Variants in DUOX1 observed in about 807,000 individuals in gnomAD.
DUOX1 encodes the protein NADPH thyroid oxidase 1.
In DUOX1, 134 loss-of-function variants were observed where a neutral mutation model predicts 181.8. The ratio of observed to expected loss-of-function variants is 0.74; its 90% CI spans 0.64 to 0.85. The LOEUF is 0.85. DUOX1 is among the 40% of genes least tolerant of loss of function. The pLI is 0.00. For missense variants in DUOX1, 1,814 were observed against 2,064.4 expected, an observed-to-expected ratio of 0.88 and a Z score of 2.35; for synonymous variants, 798 against 832.5, an observed-to-expected ratio of 0.96 and a Z score of 0.71.
rs897454074 is a variant in DUOX1, at chr15:45,135,825, G to T, written c.741G>T (p.Ala247=). The change falls in exon 7 of 34, where the codon GCG becomes GCT. Residue 247 remains alanine (A), a synonymous_variant. Coordinates refer to ENST00000389037, the MANE Select transcript of DUOX1 (RefSeq NM_175940.3). ...GGAACCGGGAACCCTTCCTGCAGGC[G>T]CTGGGCCTGCTCTGGTTCCGCTACC... ...ERGNREPFLQ[A]LGLLWFRYHN... is the part of the protein sequence containing the mutation. The T allele has an allele frequency of 9.1e-6, 13 of 1,425,510 alleles. No individual in the cohort carries two copies. The Admixed American group carries it at 2.8e-4, about 31-fold the overall frequency. 88.3% of individuals were successfully genotyped at this position (1,425,510 alleles called of 1,614,324 possible). A position where few individuals can be genotyped will look rare whatever the true frequency, so the allele number is the denominator to read the frequency against.
chr15:45,135,797 G>A lies in DUOX1; in HGVS notation c.713G>A (p.Arg238Lys), dbSNP rs1362916409. ...PRGLYAFGAE[R>K]GNREPFLQAL... ...TCGGATGCAGCCTTCGGGGCAGAGA[G>A]AGGGAACCGGGAACCCTTCCTGCAG... is the stretch of plus-strand genomic sequence containing the variant. The change falls in exon 7 of 34, where the codon AGA becomes AAA. Residue 238 changes from arginine (R) to lysine (K), a missense_variant. Around this residue, in one of 5 missense-constraint regions of DUOX1, gnomAD observed 27 missense variants for 90.8 expected, o/e 0.30. Transcript: ENST00000389037. The A allele has an allele frequency of 6.2e-6, 9 of 1,449,008 alleles. No homozygotes were observed. The highest frequency in any genetic ancestry group is 2.8e-5 in the South Asian group (2 of 72,152). 89.8% of individuals were successfully genotyped at this position (1,449,008 alleles called of 1,614,324 possible).
intron 23 of DUOX1, 35 bp from the exon 24 acceptor site, chr15:45,151,839 G>A (rs1896812660): frequency 6.3e-7 from 1 of 1,589,832 alleles, no homozygotes; most frequent in Non-Finnish European, 8.6e-7. Flanking sequence ...GGGTCCCATG[G>A]TGGGTGCCAA....
chr15:45,139,917 AG>A (rs1386467041), intron 12 of DUOX1: 7 of 632,552 alleles, frequency 1.1e-5, no homozygotes, highest in Admixed American at 2.2e-5. Context: ...TCCTTGACTT[AG>A]GAACAATCTG....
At chr15:45,162,984 A>G (rs1595599300) in intron 31 of DUOX1, among the ~76,000 whole-genome samples, 1 of 152,314 alleles carries the variant, frequency 6.6e-6, no homozygotes, top group South Asian at 2.1e-4. Flanking sequence ...GGCCCAGCCC[A>G]TGTGCTGTCA....
chr15:45,134,615 A>G (rs1033372873), intron 4 of DUOX1, among the ~76,000 whole-genome samples: 2 of 152,200 alleles, frequency 1.3e-5, no homozygotes, highest in Admixed American at 6.5e-5. Flanking sequence ...AGGCAGAAAC[A>G]TGAAAATAAT....
At chr15:45,136,501 T>G in intron 8 of DUOX1, 28 bp from the exon 9 acceptor site, 1 of 1,614,074 alleles carries the variant, frequency 6.2e-7, no homozygotes, top group Non-Finnish European at 8.5e-7. Context: ...GCTAAATTCT[T>G]CTGTCCTCTC....
chr15:45,150,569 T>G, intron 21 of DUOX1, 63 bp from the exon 22 acceptor site: 1 of 1,512,104 alleles, frequency 6.6e-7, no homozygotes, highest in East Asian at 2.3e-5. Flanking sequence ...TGCTGTGCGT[T>G]TGAGCCAGGT....
At chr15:45,150,460 A>G (rs1239419733) in intron 21 of DUOX1, 172 bp from the exon 22 acceptor site, 2 of 625,006 alleles carry the variant, frequency 3.2e-6, no homozygotes, top group Admixed American at 2.8e-5. Context: ...GGCTGGGTCC[A>G]GCTCCCATTG....
At chr15:45,131,863 T>C in intron 1 of DUOX1, 55 bp from the exon 2 acceptor site, 3 of 1,294,124 alleles carry the variant, frequency 2.3e-6, no homozygotes, top group Non-Finnish European at 2.2e-6. Context: ...CTGCAGAGTC[T>C]TTCACCTGAT....
At chr15:45,154,271 T>C (rs1896910769) in intron 27 of DUOX1, among the ~76,000 whole-genome samples, 1 of 152,190 alleles carries the variant, frequency 6.6e-6, no homozygotes, top group Non-Finnish European at 1.5e-5. Flanking sequence ...TCTCCTACTA[T>C]GGACTAGTTC....
At chr15:45,138,064 ATG>A (rs762476013) in intron 10 of DUOX1, 50 bp downstream of exon 10, 215 of 1,026,622 alleles carry the variant, frequency 2.1e-4, no homozygotes, top group South Asian at 5.7e-4. Flanking sequence ...GTGCATGCTT[ATG>A]TGTGTGTGTG....
rs865954886 is a variant in DUOX1 at position 45,152,467 on chromosome 15, C to T, written c.3375C>T (p.Ala1125=). The part of the protein sequence containing the change: ...TFLNRYVPFD[A]AVDFHRLIAS... Reference sequence around the variant, plus strand: ...TCAACCGCTACGTGCCCTTCGACGCCGCCGTGGACTTCCATCGCCTCATTG... The same window carrying T: ...TCAACCGCTACGTGCCCTTCGACGCTGCCGTGGACTTCCATCGCCTCATTG... Residue 1125 remains alanine (A), a synonymous_variant, in exon 25 of 34, where the codon GCC becomes GCT. Coordinates refer to ENST00000389037, the MANE Select transcript of DUOX1 (RefSeq NM_175940.3). The T allele has an allele frequency of 8.1e-6, 13 of 1,614,210 alleles. No individual in the cohort carries two copies. The Middle Eastern group carries it at 1.3e-3, about 164-fold the overall frequency.
intron 9 of DUOX1, among the ~76,000 whole-genome samples, chr15:45,137,367 A>AG (rs2141258359): frequency 6.7e-6 from 1 of 149,878 alleles, no homozygotes; most frequent in South Asian, 2.1e-4. Flanking sequence ...TCTCAAAAAA[A>AG]AAAAAAAAAA....
intron 12 of DUOX1, chr15:45,140,505 T>C (rs1896461997): frequency 5.5e-6 from 1 of 180,782 alleles, no homozygotes; most frequent in Non-Finnish European, 1.2e-5. Flanking sequence ...AGGCAATATA[T>C]AATCAGGCAT....
In DUOX1 at chr15:45,141,379, T is replaced by C. The variant is rs1265095184; in HGVS notation, c.1653T>C (p.Ala551=). 1.2e-6 allele frequency: 2 copies of C among 1,614,260 alleles called. No individual in the cohort carries two copies. The highest frequency in any genetic ancestry group is 2.2e-5 in the East Asian group (1 of 44,892). Residue 551 remains alanine, a synonymous_variant, in exon 14 of 34, where the codon GCT becomes GCC. Coordinates refer to ENST00000389037, the MANE Select transcript of DUOX1 (RefSeq NM_175940.3). ...CTGTTATCAACATTGACCCCAGTGC[T>C]CTGCAGCCCAATGTCTTTGTCTGGC... ...LVAVINIDPS[A]LQPNVFVWHK...
chr15:45,164,859 G>T lies in DUOX1; in HGVS notation c.4614G>T (p.Arg1538Ser). 3 of 1,614,110 alleles carry T rather than the reference G, an allele frequency of 1.9e-6. No individual in the cohort carries two copies. The highest frequency in any genetic ancestry group is 2.5e-6 in the Non-Finnish European group (3 of 1,179,994). ...NVEKACQLIN[R>S]QDRTHFSHHY... is the part of the protein sequence containing the mutation. ...AAAAGGCCTGTCAGCTCATCAACAG[G>T]CAGGACCGGACTCACTTCTCCCACC... Residue 1538 changes from arginine (R) to serine (S), a missense_variant, in exon 34 of 34, where the codon AGG becomes AGT. Physicochemically the swap from Arg to Ser is moderately radical, Grantham distance 110 (BLOSUM62 -1). Around this residue, in one of 5 missense-constraint regions of DUOX1, gnomAD observed 124 missense variants for 125.7 expected, o/e 0.99. Coordinates refer to ENST00000389037, the MANE Select transcript of DUOX1 (RefSeq NM_175940.3).
chr15:45,151,310 T>C lies in DUOX1; in HGVS notation c.3014+62T>C, dbSNP rs76191745. ...TCCATTCCTTCAGCTTATAAACATC[T>C]TTTCCTTGGTGCCAGGCACTGTGCT... On this transcript the variant is annotated intron_variant, in intron 23 of 33. Coordinates refer to ENST00000389037, the MANE Select transcript of DUOX1 (RefSeq NM_175940.3). 1,493 of 1,581,420 alleles carry C rather than the reference T, an allele frequency of 9.4e-4. 32 individuals are homozygous for C. In the East Asian group the frequency reaches 0.032, roughly 34 times the overall value.
intron 27 of DUOX1, chr15:45,155,587 A>AT: frequency 1.6e-6 from 1 of 615,890 alleles, no homozygotes; most frequent in Non-Finnish European, 2.7e-6. Flanking sequence ...AAAAAAAAAA[A>AT]AATCATGGTG....
intron 12 of DUOX1, chr15:45,139,938 G>A (rs996059056): frequency 4.4e-6 from 3 of 682,168 alleles, no homozygotes; most frequent in Non-Finnish European, 7.6e-6. Flanking sequence ...GTGCTTTCTT[G>A]CACCGATGTT....
Sources: gnomAD v4.1 joint callset for allele counts (sites outside exome capture counted in the v4.1 genomes callset) on GRCh38, gnomAD v4.1.1 for gene constraint, gnomAD v4.1.1 regional missense constraint, MANE v1.5 for transcripts, NCBI Gene and HGNC (gene_info 2026-07-23, HGNC 2026-07-21) for gene names.